PCDHA13: variants seen among roughly 807,000 people sequenced by gnomAD.
PCDHA13 encodes the protein protocadherin alpha-13.
A neutral mutation model predicts 64.8 loss-of-function variants in PCDHA13; 54 were observed. The observed-to-expected ratio is 0.83, with a 90% CI of 0.67 to 1.04. The LOEUF is 1.04. Ranked by LOEUF, PCDHA13 falls within the 50% of genes least tolerant of loss-of-function variation. PCDHA13 has a pLI of 0.00. For synonymous variants in PCDHA13, 587 were observed against 564.4 expected, an observed-to-expected ratio of 1.04 and a Z score of -0.57; for missense variants, 1,248 against 1,254.3, an observed-to-expected ratio of 0.99 and a Z score of 0.08.
At chr5:140,944,880 C>T (rs1275494519) in intron 1 of PCDHA13, among the ~76,000 whole-genome samples, 1 of 152,150 alleles carries the variant, frequency 6.6e-6, no homozygotes, top group Non-Finnish European at 1.5e-5. Flanking sequence ...ACCTACTCCA[C>T]TGTACAGTTC....
At chr5:140,922,023 T>C (rs1333266712) in intron 1 of PCDHA13, among the ~76,000 whole-genome samples, 3 of 152,086 alleles carry the variant, frequency 2.0e-5, no homozygotes, top group African/African-American at 7.2e-5. Context: ...AAAATAAATA[T>C]AAAAAATGTA....
At chr5:140,904,214 C>T (rs2070953663) in intron 1 of PCDHA13, among the ~76,000 whole-genome samples, 1 of 151,882 alleles carries the variant, frequency 6.6e-6, no homozygotes, top group South Asian at 2.1e-4. Flanking sequence ...TCCCCAAAGT[C>T]CATTGTATTA....
intron 1 of PCDHA13, among the ~76,000 whole-genome samples, chr5:140,900,528 C>T (rs1261076566): frequency 2.6e-5 from 4 of 152,214 alleles, no homozygotes; most frequent in South Asian, 4.1e-4. Flanking sequence ...CTGCCCACCT[C>T]GGCTTTCCAA....
chr5:140,967,740 A>G, intron 1 of PCDHA13: 6 of 1,614,170 alleles, frequency 3.7e-6, no homozygotes, highest in Non-Finnish European at 5.1e-6. Flanking sequence ...GGGCTGGATT[A>G]TGAGGAAGCC....
At chr5:140,991,320 A>G (rs1563572656) in intron 3 of PCDHA13, among the ~76,000 whole-genome samples, 1 of 152,216 alleles carries the variant, frequency 6.6e-6, no homozygotes, top group Non-Finnish European at 1.5e-5. Context: ...CGCATGATAC[A>G]TGAAGGGAAT....
chr5:141,000,616 C>A (rs1227863226), intron 3 of PCDHA13, among the ~76,000 whole-genome samples: 1 of 150,774 alleles, frequency 6.6e-6, no homozygotes, highest in African/African-American at 2.4e-5. Context: ...TTAGTAGAGA[C>A]AGGGTTTCAC....
At chr5:140,967,643 A>G in intron 1 of PCDHA13, 1 of 1,614,164 alleles carries the variant, frequency 6.2e-7, no homozygotes, top group East Asian at 2.2e-5. Flanking sequence ...TGGTGAGCTC[A>G]GGTACTCCTT....
intron 1 of PCDHA13, among the ~76,000 whole-genome samples, chr5:140,915,973 T>G (rs1472373994): frequency 3.9e-5 from 6 of 152,150 alleles, no homozygotes; most frequent in African/African-American, 1.4e-4. Context: ...TGATATTTTA[T>G]TTGACTACGG....
At chr5:140,922,369 G>A (rs534587109) in intron 1 of PCDHA13, among the ~76,000 whole-genome samples, 1 of 152,320 alleles carries the variant, frequency 6.6e-6, no homozygotes, top group East Asian at 1.9e-4. Context: ...TTCTCACTGA[G>A]ATGCAAAACC....
chr5:141,008,800 A>G (rs949324548), intron 3 of PCDHA13, among the ~76,000 whole-genome samples: 8 of 152,222 alleles, frequency 5.3e-5, no homozygotes, highest in Non-Finnish European at 1.2e-4. Flanking sequence ...TTATCTAAAC[A>G]AATAGGCTCA....
intron 1 of PCDHA13, among the ~76,000 whole-genome samples, chr5:140,918,414 T>G (rs2078683449): frequency 6.6e-6 from 1 of 152,198 alleles, no homozygotes; most frequent in African/African-American, 2.4e-5. Context: ...TGGCCAGGAC[T>G]TCCAGTAGGA....
At chr5:140,987,429 G>T (rs1402576200) in intron 3 of PCDHA13, among the ~76,000 whole-genome samples, 2 of 152,096 alleles carry the variant, frequency 1.3e-5, no homozygotes, top group Admixed American at 1.3e-4. Flanking sequence ...GAAGCAGGGG[G>T]CCTTTCCCCA....
At chr5:140,889,144 A>G (rs2062119546) in intron 1 of PCDHA13, among the ~76,000 whole-genome samples, 1 of 151,794 alleles carries the variant, frequency 6.6e-6, no homozygotes, top group African/African-American at 2.4e-5. Flanking sequence ...TTTTCTTCCT[A>G]ATTTCTTCTT....
chr5:140,898,711 T>A (rs1280268769), intron 1 of PCDHA13, among the ~76,000 whole-genome samples: 2 of 152,226 alleles, frequency 1.3e-5, no homozygotes, highest in Non-Finnish European at 2.9e-5. Flanking sequence ...AAGTAGTTTT[T>A]TCCAATTCTG....
intron 3 of PCDHA13, among the ~76,000 whole-genome samples, chr5:140,984,467 T>G (rs1358469857): frequency 4.6e-5 from 7 of 152,220 alleles, no homozygotes; most frequent in African/African-American, 1.7e-4. Context: ...CCAGCCCCTC[T>G]TGTATAACCC....
chr5:140,903,760 C>T (rs1252310927), intron 1 of PCDHA13, among the ~76,000 whole-genome samples: 2 of 152,108 alleles, frequency 1.3e-5, no homozygotes, highest in Non-Finnish European at 2.9e-5. Flanking sequence ...TTGATTTTTG[C>T]TGAACTTTTC....
chr5:140,945,182 A>G (rs2093754559), intron 1 of PCDHA13, among the ~76,000 whole-genome samples: 1 of 152,174 alleles, frequency 6.6e-6, no homozygotes, highest in Non-Finnish European at 1.5e-5. Context: ...ATAAATCAAG[A>G]AAACCATGCT....
chr5:140,928,291 G>A (rs62384489), intron 1 of PCDHA13: 1 of 1,614,142 alleles, frequency 6.2e-7, no homozygotes, highest in Non-Finnish European at 8.5e-7. Context: ...TCTAGGCCGA[G>A]TGTTTGCCCA....
Position 141,010,110 on chromosome 5 carries a change from A to C in PCDHA13, c.*173A>C. On this transcript the variant is annotated 3_prime_UTR_variant, in exon 4 of 4. Coordinates refer to ENST00000289272, the MANE Select transcript of PCDHA13 (RefSeq NM_018904.3). ...GAACGCATTTAACAGGTTTTGTCGT[A>C]AAAGCTTTACTAAGTCTGGTGTTAA... 6.2e-7 allele frequency: 1 copy of C among 1,611,166 alleles called. No individual in the cohort carries two copies. The highest frequency in any genetic ancestry group is 8.5e-7 in the Non-Finnish European group (1 of 1,178,396).
Sources: gnomAD v4.1 joint callset for allele counts (sites outside exome capture counted in the v4.1 genomes callset) on GRCh38, gnomAD v4.1.1 for gene constraint, MANE v1.5 for transcripts, NCBI Gene and HGNC (gene_info 2026-07-23, HGNC 2026-07-21) for gene names.